The following PCSK5 variants were observed in gnomAD, a reference collection of about 807,000 sequenced individuals.
The protein encoded by PCSK5 is proprotein convertase subtilisin/kexin type 5.
In PCSK5, 129 loss-of-function variants were observed where a neutral mutation model predicts 233.2. The ratio of observed to expected loss-of-function variants is 0.55; its 90% CI spans 0.48 to 0.64. The LOEUF (loss-of-function observed/expected upper bound fraction) is 0.64, where lower values mean the gene tolerates loss of function less well. Among genes scored for constraint, PCSK5 ranks in the 30% least tolerant of loss-of-function variants. The probability of loss-of-function intolerance (pLI) is 0.00; values close to 1 mark genes in which losing one functional copy is unlikely to be tolerated. For synonymous variants in PCSK5, 825 were observed against 879.2 expected, an observed-to-expected ratio of 0.94 and a Z score of 1.09; for missense variants, 2,076 against 2,430.1, an observed-to-expected ratio of 0.85 and a Z score of 3.06.
intron 1 of PCSK5, among the ~76,000 whole-genome samples, chr9:75,908,370 G>T (rs1431150989): frequency 6.6e-6 from 1 of 152,188 alleles, no homozygotes; most frequent in African/African-American, 2.4e-5. Context: ...GGGATATATG[G>T]TTTGAAAGTA....
At position 76,018,468 on chromosome 9, in the gene PCSK5, G is replaced by C. The variant is rs547912687; in HGVS notation, c.412-5270G>C. 9.9e-5 allele frequency among the ~76,000 whole-genome samples: 15 copies of C among 151,716 alleles called. No homozygotes were observed. The South Asian group carries it at 3.1e-3, about 31-fold the overall frequency. On this transcript the variant is annotated intron_variant, in intron 3 of 37. Coordinates refer to ENST00000674117, the MANE Select transcript of PCSK5 (RefSeq NM_001372043.1). Reference sequence around the variant, plus strand: ...AATCAGCAGCACCTTTAGATTCTCAGAGGAGCACCAACCCTATTGTGAACT... The same window carrying C: ...AATCAGCAGCACCTTTAGATTCTCACAGGAGCACCAACCCTATTGTGAACT...
intron 5 of PCSK5, among the ~76,000 whole-genome samples, chr9:76,052,353 G>C (rs937316699): frequency 3.9e-5 from 6 of 152,152 alleles, no homozygotes; most frequent in Admixed American, 1.3e-4. Context: ...AAGAAAAGGA[G>C]GTTTAATGGA....
intron 10 of PCSK5, among the ~76,000 whole-genome samples, chr9:76,156,171 T>G (rs1244528356): frequency 4.6e-5 from 7 of 152,208 alleles, no homozygotes; most frequent in Admixed American, 3.3e-4. Context: ...GACAGTTCAA[T>G]AAGAAGTGGA....
At chr9:76,231,520 T>C (rs184772153) in intron 21 of PCSK5, among the ~76,000 whole-genome samples, 4 of 152,342 alleles carry the variant, frequency 2.6e-5, no homozygotes, top group Admixed American at 2.6e-4. Flanking sequence ...ACTCGCCCCA[T>C]TCTCTTTTTC....
Position 76,043,156 on chromosome 9 carries a change from C to G in PCSK5, c.632+16119C>G, listed in dbSNP as rs180900526. Among the ~76,000 whole-genome samples the G allele has an allele frequency of 5.1e-3, 735 of 144,326 alleles. 7 individuals are homozygous for G. Among genetic ancestry groups the G allele is most frequent in the African/African-American group, 0.017 (692 of 40,770 alleles). 94.7% of individuals were successfully genotyped at this position (144,326 alleles called of 152,430 possible). On this transcript the variant is annotated intron_variant, in intron 5 of 37. Transcript: ENST00000674117. Reference sequence around the variant, plus strand: ...GGTCAGGAGATTGAGACCATCCTGGCTAACACGGTGAAACCCCGTCTCTAC... The same window carrying G: ...GGTCAGGAGATTGAGACCATCCTGGGTAACACGGTGAAACCCCGTCTCTAC...
At chr9:76,158,106 A>G (rs987558664) in intron 11 of PCSK5, among the ~76,000 whole-genome samples, 1 of 152,226 alleles carries the variant, frequency 6.6e-6, no homozygotes, top group African/African-American at 2.4e-5. Context: ...AATAAGTAAT[A>G]CTTCCTACCC....
intron 2 of PCSK5, among the ~76,000 whole-genome samples, chr9:75,982,947 T>A (rs1042125189): frequency 6.6e-6 from 1 of 152,150 alleles, no homozygotes; most frequent in Non-Finnish European, 1.5e-5. Flanking sequence ...ACCTAAGACA[T>A]GAGAAATGGC....
chr9:76,084,191 T>G (rs1254852130), intron 7 of PCSK5, among the ~76,000 whole-genome samples: 1 of 152,226 alleles, frequency 6.6e-6, no homozygotes, highest in Admixed American at 6.5e-5. Context: ...TCATCCATTT[T>G]GGAAACAAAG....
intron 20 of PCSK5, among the ~76,000 whole-genome samples, chr9:76,190,894 T>C (rs1435375393): frequency 6.6e-6 from 1 of 152,190 alleles, no homozygotes; most frequent in Non-Finnish European, 1.5e-5. Flanking sequence ...TAGGTTTAAC[T>C]TCCCAAGTGT....
chr9:76,034,526 T>G (rs77528445), intron 5 of PCSK5, among the ~76,000 whole-genome samples: 3,021 of 152,172 alleles, frequency 0.02, 137 homozygotes, highest in East Asian at 0.12. Context: ...TCCTCCTCCA[T>G]TCGTCAGGAT....
chr9:76,235,012 C>T (rs377623329), intron 22 of PCSK5, among the ~76,000 whole-genome samples: 1 of 152,178 alleles, frequency 6.6e-6, no homozygotes, highest in Non-Finnish European at 1.5e-5. Flanking sequence ...TGCACTTCCC[C>T]CTTCATGAGC....
intron 13 of PCSK5, among the ~76,000 whole-genome samples, chr9:76,174,746 T>C (rs574175447): frequency 6.6e-6 from 1 of 152,366 alleles, no homozygotes; most frequent in South Asian, 2.1e-4. Flanking sequence ...CTATAAATGC[T>C]GATTAAATCA....
chr9:76,221,093 C>G (rs902250374), intron 20 of PCSK5, among the ~76,000 whole-genome samples: 1 of 152,160 alleles, frequency 6.6e-6, no homozygotes, highest in Non-Finnish European at 1.5e-5. Context: ...TACAGCCTAA[C>G]GGGCAAAACA....
chr9:76,094,912 G>T (rs1464315092), intron 7 of PCSK5, among the ~76,000 whole-genome samples: 1 of 152,144 alleles, frequency 6.6e-6, no homozygotes, highest in Non-Finnish European at 1.5e-5. Flanking sequence ...GCCTAACCAA[G>T]AAATTCTTTT....
chr9:75,989,705 T>C (rs1826683837), intron 3 of PCSK5, among the ~76,000 whole-genome samples: 1 of 152,110 alleles, frequency 6.6e-6, no homozygotes, highest in South Asian at 2.1e-4. Flanking sequence ...CACAGGGCTG[T>C]GTGAATGTCC....
At chr9:75,950,483 C>T (rs1587408150) in intron 2 of PCSK5, among the ~76,000 whole-genome samples, 1 of 152,282 alleles carries the variant, frequency 6.6e-6, no homozygotes, top group Admixed American at 6.5e-5. Context: ...AGACTAACAG[C>T]TGATCTCTCG....
chr9:75,941,701 C>G (rs1217328938), intron 2 of PCSK5, among the ~76,000 whole-genome samples: 1 of 152,140 alleles, frequency 6.6e-6, no homozygotes, highest in Non-Finnish European at 1.5e-5. Flanking sequence ...TTGGGAGAAG[C>G]CTTTCAGCCT....
chr9:76,216,936 G>A (rs536298312), intron 20 of PCSK5, among the ~76,000 whole-genome samples: 2 of 152,274 alleles, frequency 1.3e-5, no homozygotes, highest in African/African-American at 4.8e-5. Flanking sequence ...CATCTCCCGG[G>A]TTCAAGCAAT....
intron 37 of PCSK5, among the ~76,000 whole-genome samples, chr9:76,355,899 T>C (rs950305504): frequency 1.3e-5 from 2 of 152,106 alleles, no homozygotes; most frequent in African/African-American, 4.8e-5. Context: ...AGAAGGGGTT[T>C]CACCATGTTG....
Sources: gnomAD v4.1 joint callset for allele counts (sites outside exome capture counted in the v4.1 genomes callset) on GRCh38, gnomAD v4.1.1 for gene constraint, MANE v1.5 for transcripts, NCBI Gene and HGNC (gene_info 2026-07-23, HGNC 2026-07-21) for gene names.